Variants in CPB2 observed in about 807,000 individuals in gnomAD.
CPB2 encodes carboxypeptidase B2.
A neutral mutation model predicts 57.0 loss-of-function variants in CPB2; 54 were observed. That is an observed-to-expected ratio of 0.95 (90% CI 0.76 to 1.19). The LOEUF (loss-of-function observed/expected upper bound fraction) is 1.19, where lower values mean the gene tolerates loss of function less well. CPB2 is among the 50% of genes most tolerant of loss of function. CPB2 has a pLI of 0.00. For synonymous variants in CPB2, 189 were observed against 178.1 expected, an observed-to-expected ratio of 1.06 and a Z score of -0.49; for missense variants, 426 against 512.0, an observed-to-expected ratio of 0.83 and a Z score of 1.62.
chr13:46,066,713 C>T (rs17844109), intron 7 of CPB2, among the ~76,000 whole-genome samples: 3 of 151,848 alleles, frequency 2.0e-5, no homozygotes, highest in Admixed American at 2.0e-4. Flanking sequence ...GGCATGGTGG[C>T]AGGCACCCGT....
At chr13:46,093,838 G>C (rs1039428062) in intron 1 of CPB2, among the ~76,000 whole-genome samples, 1 of 152,098 alleles carries the variant, frequency 6.6e-6, no homozygotes, top group Non-Finnish European at 1.5e-5. Flanking sequence ...ATACAACATT[G>C]AACTAGTATA....
At chr13:46,060,741 G>A (rs1333896165) in intron 8 of CPB2, among the ~76,000 whole-genome samples, 1 of 152,048 alleles carries the variant, frequency 6.6e-6, no homozygotes, top group Non-Finnish European at 1.5e-5. Flanking sequence ...TTCTATGATT[G>A]TCATTCTAGA....
intron 1 of CPB2, among the ~76,000 whole-genome samples, chr13:46,093,648 TAGAA>T (rs2045325980): frequency 1.3e-5 from 2 of 152,012 alleles, no homozygotes; most frequent in Non-Finnish European, 2.9e-5. Context: ...GAAAAAAAGT[TAGAA>T]AGATAAAGAA....
At position 46,067,308 on chromosome 13, in the gene CPB2, T is replaced by A; in HGVS notation, c.701A>T (p.Lys234Met). ...NVDGYDYSWKKNRMWRKNRSF... is the reference protein window; with the variant it reads ...NVDGYDYSWKMNRMWRKNRSF... ...TGTCTTCTTTGCCTTTTCTCCTACCTTTTTCCATGAGTAGTCATAACCATC... is the reference window on the plus strand; with the variant it reads ...TGTCTTCTTTGCCTTTTCTCCTACCATTTTCCATGAGTAGTCATAACCATC... The change falls in exon 7 of 11, where the codon AAG (lysine) becomes ATG (methionine). Residue 234 changes from lysine to methionine, a missense_variant and splice_region_variant. Transcript: ENST00000181383. The A allele has an allele frequency of 6.9e-7, 1 of 1,444,988 alleles. No homozygotes were observed. The highest frequency in any genetic ancestry group is 2.3e-5 in the East Asian group (1 of 43,678). 89.5% of individuals were successfully genotyped at this position (1,444,988 alleles called of 1,614,324 possible).
chr13:46,104,811 T>C lies in CPB2; in HGVS notation c.74+125A>G, dbSNP rs2045474099. On this transcript the variant is annotated intron_variant, in intron 1 of 10. Transcript: ENST00000181383. ...TTATTTGTCAGGGCAACTTGGAAAG[T>C]TCTGAAAGACCTGGCCTTCAAAGTT... is the stretch of plus-strand genomic sequence containing the variant. 3.7e-6 allele frequency: 4 copies of C among 1,080,172 alleles called. No individual in the cohort carries two copies. In the East Asian group the frequency reaches 1.0e-4, roughly 28 times the overall value. 66.9% of individuals were successfully genotyped at this position (1,080,172 alleles called of 1,614,324 possible).
rs748690931 is a variant in CPB2 at position 46,078,749 on chromosome 13, ATT to A, written c.486+49_486+50del. On this transcript the variant is annotated intron_variant, in intron 5 of 10. Transcript: ENST00000181383. ...AAGTTTTAACAAACACGACTGGAGA[ATT>A]AATCCCTCCCCTCACAGTGAAAGAT... 5.2e-5 allele frequency: 61 copies of A among 1,174,790 alleles called. No homozygotes were observed. The African/African-American group carries it at 8.5e-4, about 16-fold the overall frequency. The allele number at this position is 1,174,790 out of a possible 1,614,324, so 72.8% of individuals were successfully genotyped here. A position where few individuals can be genotyped will look rare whatever the true frequency, so the allele number is the denominator to read the frequency against.
chr13:46,056,362 C>T (rs2044696792), intron 9 of CPB2, among the ~76,000 whole-genome samples: 2 of 152,106 alleles, frequency 1.3e-5, no homozygotes, highest in South Asian at 4.1e-4. Context: ...AAAGATTATG[C>T]CTCTGGTATG....
At position 46,078,870 on chromosome 13, in the gene CPB2, C is replaced by T. The variant is rs1029011613; in HGVS notation, c.416G>A (p.Arg139Lys). The change falls in exon 5 of 11, where the codon AGG becomes AAG. Residue 139 changes from arginine (R) to lysine (K), a missense_variant. Transcript: ENST00000181383. ...IYSWIEFITERHPDMLTKIHI... is the reference protein window; with the variant it reads ...IYSWIEFITEKHPDMLTKIHI... ...GATTTTTGTAAGCATATCAGGATGC[C>T]TCTCAGTTATAAATTCTATCCAAGA... 6.2e-7 allele frequency: 1 copy of T among 1,611,168 alleles called. No homozygotes were observed. Among genetic ancestry groups the T allele is most frequent in the East Asian group, 2.2e-5 (1 of 44,844 alleles).
At chr13:46,067,561 G>C in intron 6 of CPB2, 144 bp from the exon 7 acceptor site, 1 of 565,270 alleles carries the variant, frequency 1.8e-6, no homozygotes, top group Non-Finnish European at 3.1e-6. Context: ...TTCCTCAAAA[G>C]AACTGAACTT....
rs1476316178 is a variant in CPB2, at chr13:46,055,839, G to A, written c.1010C>T (p.Ala337Val). Residue 337 changes from alanine to valine, a missense_variant, in exon 10 of 11, where the codon GCC becomes GTC. Transcript: ENST00000181383. ...CTCAATAGCACGAACTGCTTCACTG[G>A]CTACTAGAGACTGGAAGCAACAAGA... The part of the protein sequence containing the change: ...SKDHEELSLV[A>V]SEAVRAIEKI... The A allele has an allele frequency of 2.5e-6, 4 of 1,586,556 alleles. No individual in the cohort carries two copies. In the Admixed American group the frequency reaches 6.9e-5, roughly 27 times the overall value.
chr13:46,104,241 A>G (rs574759567), intron 1 of CPB2, among the ~76,000 whole-genome samples: 56 of 152,340 alleles, frequency 3.7e-4, no homozygotes, highest in African/African-American at 1.3e-3. Flanking sequence ...GAACCAAAAC[A>G]AAGGGGAAAA....
intron 1 of CPB2, chr13:46,099,460 A>T (rs1275285540): frequency 6.6e-6 from 1 of 152,206 alleles, no homozygotes; most frequent in Non-Finnish European, 1.5e-5. Flanking sequence ...GGTTCATATC[A>T]TTAAATCACT....
At chr13:46,063,092 G>A (rs900524765) in intron 8 of CPB2, among the ~76,000 whole-genome samples, 6 of 152,190 alleles carry the variant, frequency 3.9e-5, no homozygotes, top group Non-Finnish European at 8.8e-5. Flanking sequence ...AGCTGTTTCT[G>A]AAATGTAGTA....
chr13:46,099,790 T>C (rs7332311), intron 1 of CPB2: 117,410 of 151,880 alleles, frequency 0.77, 45,579 homozygotes, highest in East Asian at 0.81. Context: ...TTTGGGAGGC[T>C]GAGGTGGGTG....
At chr13:46,083,198 A>G (rs576582486) in intron 3 of CPB2, among the ~76,000 whole-genome samples, 64 of 152,318 alleles carry the variant, frequency 4.2e-4, no homozygotes, top group Middle Eastern at 3.4e-3. Flanking sequence ...TATTTAGGCC[A>G]ATAAATAAAA....
At chr13:46,064,810 T>C (rs1420666069) in intron 7 of CPB2, 69 bp from the exon 8 acceptor site, 21 of 1,204,524 alleles carry the variant, frequency 1.7e-5, no homozygotes, top group Non-Finnish European at 1.2e-6. Flanking sequence ...GACATGCATT[T>C]GAAAGTCCAT....
chr13:46,072,005 G>A (rs1050923822), intron 6 of CPB2, among the ~76,000 whole-genome samples: 3 of 152,184 alleles, frequency 2.0e-5, no homozygotes, highest in Admixed American at 1.3e-4. Flanking sequence ...ATATTCACTG[G>A]GTCCTATGAT....
chr13:46,069,783 A>G (rs75066544), intron 6 of CPB2, among the ~76,000 whole-genome samples: 1,963 of 152,198 alleles, frequency 0.013, 36 homozygotes, highest in African/African-American at 0.044. Flanking sequence ...TTTGACTATT[A>G]TGAATAATAT....
At chr13:46,096,212 T>C (rs17844003) in intron 1 of CPB2, 18,629 of 152,346 alleles carry the variant, frequency 0.12, 1,660 homozygotes, top group Non-Finnish European at 0.19. Context: ...CAAAACTTTC[T>C]TAGAACTGCA....
Sources: allele counts gnomAD v4.1 joint callset (sites outside exome capture counted in the v4.1 genomes callset), GRCh38; gene constraint gnomAD v4.1.1; transcripts MANE v1.5; gene names NCBI Gene and HGNC (gene_info 2026-07-23, HGNC 2026-07-21).